FRMD4B: variants seen among roughly 807,000 people sequenced by gnomAD.
FRMD4B encodes the protein FERM domain containing 4B, also known as FERM domain-containing protein 4B.
In FRMD4B, 74 loss-of-function variants were observed where a neutral mutation model predicts 141.5. The observed-to-expected ratio is 0.52, with a 90% confidence interval of 0.43 to 0.63. The LOEUF (loss-of-function observed/expected upper bound fraction) is 0.63, where lower values mean the gene tolerates loss of function less well. Ranked by LOEUF, FRMD4B falls within the 30% of genes least tolerant of loss-of-function variation. FRMD4B has a pLI of 0.00. For missense variants in FRMD4B, 1,366 were observed against 1,253.4 expected (o/e 1.09, Z -1.36); for synonymous variants, 506 against 467.9 (o/e 1.08, Z -1.05).
At chr3:69,518,316 T>C (rs1275955935) in intron 1 of FRMD4B, among the ~76,000 whole-genome samples, 1 of 152,162 alleles carries the variant, frequency 6.6e-6, no homozygotes, top group Non-Finnish European at 1.5e-5. Context: ...ACATAGCTGA[T>C]CAATCATCAT....
At chr3:69,340,563 C>T (rs908758482) in intron 1 of FRMD4B, among the ~76,000 whole-genome samples, 1 of 152,174 alleles carries the variant, frequency 6.6e-6, no homozygotes, top group Middle Eastern at 3.2e-3. Context: ...TCAGAACACC[C>T]AGGGTTCAAA....
At chr3:69,218,293 C>A (rs780884516) in intron 10 of FRMD4B, 29 bp downstream of exon 10, 3 of 1,209,656 alleles carry the variant, frequency 2.5e-6, no homozygotes, top group Non-Finnish European at 3.6e-6. Context: ...TCAATCATCA[C>A]GAAAGCTTTG....
intron 1 of FRMD4B, chr3:69,353,543 C>A: frequency 1.0e-6 from 1 of 982,792 alleles, no homozygotes; most frequent in Non-Finnish European, 1.2e-6. Context: ...ATCATTCTTA[C>A]CTCCGAACCA....
chr3:69,325,083 A>AG (rs200165782), intron 1 of FRMD4B, among the ~76,000 whole-genome samples: 19,020 of 141,908 alleles, frequency 0.13, 1,378 homozygotes, highest in African/African-American at 0.19. Context: ...TCTAAAAAAA[A>AG]AAAAAGAAAG....
intron 1 of FRMD4B, among the ~76,000 whole-genome samples, chr3:69,497,501 G>A (rs1706421818): frequency 1.3e-5 from 2 of 151,984 alleles, no homozygotes; most frequent in Admixed American, 6.6e-5. Flanking sequence ...TCAAAAATGT[G>A]GGCTTTGTCT....
chr3:69,269,183 C>G (rs1436607750), intron 5 of FRMD4B, among the ~76,000 whole-genome samples: 2 of 151,808 alleles, frequency 1.3e-5, no homozygotes, highest in Non-Finnish European at 2.9e-5. Flanking sequence ...CCTGCCTCGG[C>G]CTCTCAGAGT....
At chr3:69,201,216 AATAAT>A (rs1175597113) in intron 11 of FRMD4B, among the ~76,000 whole-genome samples, 1 of 152,156 alleles carries the variant, frequency 6.6e-6, no homozygotes, top group African/African-American at 2.4e-5. Context: ...ATGTGCATAT[AATAAT>A]ATAAATGTGG....
intron 2 of FRMD4B, among the ~76,000 whole-genome samples, chr3:69,391,795 TTGTGCAG>T (rs1426193220): frequency 6.6e-6 from 1 of 152,204 alleles, no homozygotes; most frequent in East Asian, 1.9e-4. Flanking sequence ...TGGCTCCTCC[TTGTGCAG>T]GAGTATCCCA....
chr3:69,427,641 A>ATTTTT (rs1285387505), intron 2 of FRMD4B, among the ~76,000 whole-genome samples: 1 of 74,550 alleles, frequency 1.3e-5, no homozygotes, highest in African/African-American at 5.3e-5. Context: ...AGCTAGGTAA[A>ATTTTT]TGTTTTTTTT....
intron 1 of FRMD4B, among the ~76,000 whole-genome samples, chr3:69,530,813 G>A (rs751987513): frequency 2.0e-5 from 3 of 152,170 alleles, no homozygotes; most frequent in South Asian, 2.1e-4. Flanking sequence ...AACGGCAACC[G>A]TGCAGATGTC....
intron 1 of FRMD4B, among the ~76,000 whole-genome samples, chr3:69,467,715 C>T (rs1472791992): frequency 6.6e-6 from 1 of 152,130 alleles, no homozygotes; most frequent in Admixed American, 6.5e-5. Flanking sequence ...TATATACCTC[C>T]CAACTCCAGA....
chr3:69,495,190 A>C (rs536292251), intron 1 of FRMD4B, among the ~76,000 whole-genome samples: 1 of 152,182 alleles, frequency 6.6e-6, no homozygotes, highest in South Asian at 2.1e-4. Context: ...CTGAATGCCA[A>C]TTCCTGAGGG....
intron 21 of FRMD4B, among the ~76,000 whole-genome samples, chr3:69,177,972 C>T (rs1302456066): frequency 6.6e-6 from 1 of 152,106 alleles, no homozygotes; most frequent in Non-Finnish European, 1.5e-5. Flanking sequence ...GGAAGGAATT[C>T]AGGAAGAAGG....
rs1434270495 is a variant in FRMD4B at position 69,249,214 on chromosome 3, G to C, written c.581+12C>G. On this transcript the variant is annotated intron_variant, in intron 7 of 22. Transcript: ENST00000398540. ...TATTTTGCATAGTAATATCAGAAAA[G>C]AAAAGCATTACCTGGTATAATCTCC... 1.9e-6 allele frequency: 3 copies of C among 1,543,788 alleles called. No individual in the cohort carries two copies. Among genetic ancestry groups the C allele is most frequent in the Admixed American group, 3.5e-5 (2 of 57,272 alleles).
intron 4 of FRMD4B, among the ~76,000 whole-genome samples, chr3:69,301,917 G>T (rs115537843): frequency 2.2e-4 from 34 of 152,260 alleles, no homozygotes; most frequent in Non-Finnish European, 3.8e-4. Flanking sequence ...AAATTGTACA[G>T]AATTCAATTA....
chr3:69,405,873 T>C (rs775259318), intron 2 of FRMD4B, among the ~76,000 whole-genome samples: 5 of 152,192 alleles, frequency 3.3e-5, no homozygotes, highest in Admixed American at 2.0e-4. Flanking sequence ...TACTGCAGGA[T>C]AGGCACCATA....
At chr3:69,472,250 G>C (rs1705905081) in intron 1 of FRMD4B, 3 of 333,734 alleles carry the variant, frequency 9.0e-6, no homozygotes, top group Non-Finnish European at 1.8e-5. Context: ...AGTTCAGCAT[G>C]TCCAGCCTTC....
At chr3:69,176,982 A>G (rs2092653018) in intron 21 of FRMD4B, among the ~76,000 whole-genome samples, 1 of 152,208 alleles carries the variant, frequency 6.6e-6, no homozygotes, top group Non-Finnish European at 1.5e-5. Context: ...TCAGTAAATA[A>G]CTATTAATAT....
chr3:69,520,030 TC>T lies in FRMD4B; in HGVS notation c.-129+22175del, dbSNP rs71626380. On this transcript the variant is annotated intron_variant, in intron 1 of 5. Transcript: ENST00000459638. Reference sequence around the variant, plus strand: ...TATATATATATATATATATATTCCATCATATATATATATTCCATCCATATAT... The same window carrying T: ...TATATATATATATATATATATTCCATATATATATATATTCCATCCATATAT... 1.3e-3 allele frequency among the ~76,000 whole-genome samples: 141 copies of T among 104,884 alleles called. 8 individuals carry two copies. Among genetic ancestry groups the T allele is most frequent in the East Asian group, 7.5e-3 (20 of 2,668 alleles). The allele number at this position is 104,884 out of a possible 152,430, so 68.8% of individuals were successfully genotyped here.
Sources: allele counts gnomAD v4.1 joint callset (sites outside exome capture counted in the v4.1 genomes callset), GRCh38; gene constraint gnomAD v4.1.1; transcripts MANE v1.5; gene names NCBI Gene and HGNC (gene_info 2026-07-23, HGNC 2026-07-21).